Variants in THSD7A observed in about 807,000 individuals in gnomAD.
THSD7A encodes thrombospondin type 1 domain containing 7A.
Under a neutral mutation model 231.3 loss-of-function variants are expected in THSD7A, and 96 were observed. The observed-to-expected ratio is 0.41, with a 90% confidence interval of 0.35 to 0.49. The LOEUF (loss-of-function observed/expected upper bound fraction) is 0.49, where lower values mean the gene tolerates loss of function less well. THSD7A is among the 20% of genes least tolerant of loss of function. THSD7A has a pLI of 0.05. For missense variants in THSD7A, 2,290 were observed against 2,070.2 expected, an observed-to-expected ratio of 1.11 and a Z score of -2.06; for synonymous variants, 940 against 743.3, an observed-to-expected ratio of 1.26 and a Z score of -4.30.
intron 1 of THSD7A, among the ~76,000 whole-genome samples, chr7:11,650,804 A>ATTTGT (rs57303048): frequency 0.19 from 28,235 of 151,256 alleles, 2,984 homozygotes; most frequent in Admixed American, 0.27. Flanking sequence ...TGGTAGATGT[A>ATTTGT]TTTGTTTTGT....
chr7:11,570,794 G>C (rs1790592189), intron 4 of THSD7A, among the ~76,000 whole-genome samples: 1 of 152,166 alleles, frequency 6.6e-6, no homozygotes, highest in South Asian at 2.1e-4. Flanking sequence ...GACAGCAGTG[G>C]GTAGGGGTGG....
intron 23 of THSD7A, among the ~76,000 whole-genome samples, chr7:11,396,600 G>A (rs568325862): frequency 3.3e-5 from 5 of 151,856 alleles, no homozygotes; most frequent in African/African-American, 9.6e-5. Context: ...AATCCCTGAA[G>A]AGACCAATAA....
At chr7:11,512,831 G>A (rs1272609310) in intron 6 of THSD7A, among the ~76,000 whole-genome samples, 2 of 150,468 alleles carry the variant, frequency 1.3e-5, no homozygotes, top group African/African-American at 4.9e-5. Context: ...TAATGTAAAT[G>A]ACGAGTTAAG....
At chr7:11,506,968 A>T (rs76679376) in intron 6 of THSD7A, among the ~76,000 whole-genome samples, 13,344 of 152,124 alleles carry the variant, frequency 0.088, 720 homozygotes, top group Admixed American at 0.14. Flanking sequence ...TTCTCCCTAC[A>T]ATGTAAGTTC....
intron 6 of THSD7A, 132 bp from the exon 7 acceptor site, chr7:11,482,114 A>G (rs1786452533): frequency 1.1e-6 from 1 of 944,582 alleles, no homozygotes; most frequent in African/African-American, 1.7e-5. Context: ...TAGCCAAAAG[A>G]GGGATTGCCT....
chr7:11,595,495 T>C (rs1780328958), intron 2 of THSD7A, among the ~76,000 whole-genome samples: 1 of 152,130 alleles, frequency 6.6e-6, no homozygotes, highest in African/African-American at 2.4e-5. Flanking sequence ...TTAGCTAAAA[T>C]ATGGATAAAA....
At chr7:11,597,921 G>A (rs909282981) in intron 2 of THSD7A, among the ~76,000 whole-genome samples, 4 of 152,136 alleles carry the variant, frequency 2.6e-5, no homozygotes, top group Admixed American at 6.5e-5. Flanking sequence ...AGCCTGTACC[G>A]ATGGCCTCAT....
intron 2 of THSD7A, 82 bp from the exon 3 acceptor site, chr7:11,593,584 T>C: frequency 3.3e-6 from 5 of 1,508,992 alleles, no homozygotes; most frequent in South Asian, 1.3e-5. Context: ...GTGAATCAGC[T>C]TGGGCATTTT....
chr7:11,466,221 C>T (rs779073008), intron 9 of THSD7A, among the ~76,000 whole-genome samples: 7 of 152,134 alleles, frequency 4.6e-5, no homozygotes, highest in Non-Finnish European at 7.4e-5. Flanking sequence ...AAAAGAACCA[C>T]CCCAACTTTG....
intron 1 of THSD7A, among the ~76,000 whole-genome samples, chr7:11,826,919 C>T (rs1188691472): frequency 6.6e-6 from 1 of 151,868 alleles, no homozygotes; most frequent in Non-Finnish European, 1.5e-5. Flanking sequence ...GTATGAAATG[C>T]TTCCCAATTA....
intron 15 of THSD7A, among the ~76,000 whole-genome samples, chr7:11,426,143 T>C (rs907814978): frequency 5.9e-5 from 9 of 152,218 alleles, no homozygotes; most frequent in African/African-American, 2.2e-4. Flanking sequence ...TCACATTTAG[T>C]TGCTGTATTA....
intron 23 of THSD7A, among the ~76,000 whole-genome samples, chr7:11,399,857 C>T (rs903472285): frequency 3.9e-5 from 6 of 152,162 alleles, no homozygotes; most frequent in Admixed American, 1.3e-4. Context: ...AAGACACATG[C>T]ACACATACGT....
intron 19 of THSD7A, among the ~76,000 whole-genome samples, chr7:11,408,517 TGAAAA>T (rs1453167988): frequency 2.1e-5 from 3 of 141,344 alleles, no homozygotes; most frequent in African/African-American, 5.3e-5. Flanking sequence ...AAAAAAAAAA[TGAAAA>T]GAAAGAAAAA....
At chr7:11,597,045 C>T (rs971813259) in intron 2 of THSD7A, among the ~76,000 whole-genome samples, 45 of 152,226 alleles carry the variant, frequency 3.0e-4, no homozygotes, top group African/African-American at 1.1e-3. Flanking sequence ...AAGTATCACA[C>T]TGGTCCATTA....
At chr7:11,495,894 T>A (rs898657406) in intron 6 of THSD7A, among the ~76,000 whole-genome samples, 1 of 151,950 alleles carries the variant, frequency 6.6e-6, no homozygotes, top group African/African-American at 2.4e-5. Flanking sequence ...TAACAGGGGA[T>A]TTGGAGAGTT....
chr7:11,665,154 T>G (rs58600926), intron 1 of THSD7A, among the ~76,000 whole-genome samples: 1 of 151,950 alleles, frequency 6.6e-6, no homozygotes. Context: ...TTCTTTCTAC[T>G]TAAATAAGAT....
intron 6 of THSD7A, among the ~76,000 whole-genome samples, chr7:11,496,948 C>G (rs1042237694): frequency 6.6e-6 from 1 of 152,268 alleles, no homozygotes; most frequent in East Asian, 1.9e-4. Flanking sequence ...AGAAATTAAG[C>G]TATCCAACGT....
chr7:11,575,754 T>C (rs1790871566), intron 4 of THSD7A, among the ~76,000 whole-genome samples: 1 of 152,238 alleles, frequency 6.6e-6, no homozygotes, highest in South Asian at 2.1e-4. Flanking sequence ...TACCATATCA[T>C]ATCAACCGCC....
intron 1 of THSD7A, among the ~76,000 whole-genome samples, chr7:11,739,607 G>T (rs1782036925): frequency 6.6e-6 from 1 of 151,244 alleles, no homozygotes; most frequent in African/African-American, 2.4e-5. Context: ...TTTATAGAAA[G>T]AGGGTCTCAC....
Sources: allele counts gnomAD v4.1 joint callset (sites outside exome capture counted in the v4.1 genomes callset), GRCh38; gene constraint gnomAD v4.1.1; transcripts MANE v1.5; gene names NCBI Gene and HGNC (gene_info 2026-07-23, HGNC 2026-07-21).